The following GNS variants were observed in gnomAD, a reference collection of about 807,000 sequenced individuals.
GNS encodes glucosamine (N-acetyl)-6-sulfatase.
GNS carries 40 observed loss-of-function variants against 69.7 expected under a neutral mutation model. The ratio of observed to expected loss-of-function variants is 0.57; its 90% CI spans 0.45 to 0.75. The LOEUF (loss-of-function observed/expected upper bound fraction) is 0.75. Ranked by LOEUF, GNS falls within the 30% of genes least tolerant of loss-of-function variation. The probability of loss-of-function intolerance (pLI) is 0.00; values close to 1 mark genes in which losing one functional copy is unlikely to be tolerated. For missense variants in GNS, 565 were observed against 685.5 expected (o/e 0.82, Z 1.96); for synonymous variants, 243 against 251.6 (o/e 0.97, Z 0.32).
intron 8 of GNS, among the ~76,000 whole-genome samples, chr12:64,738,410 A>G (rs1003443097): frequency 4.6e-5 from 7 of 152,224 alleles, no homozygotes; most frequent in African/African-American, 1.7e-4. Flanking sequence ...TCTAGTAACA[A>G]AAGAAAAACA....
In GNS at chr12:64,759,307, G is replaced by A; in HGVS notation, c.-31C>T. The A allele has an allele frequency of 2.1e-6, 3 of 1,416,194 alleles. No individual in the cohort carries two copies. Among genetic ancestry groups the A allele is most frequent in the Non-Finnish European group, 2.8e-6 (3 of 1,067,234 alleles). The allele number at this position is 1,416,194 out of a possible 1,614,324, so 87.7% of individuals were successfully genotyped here. ...ACAGGCTCCGGGGTGACCCCGGGAC[G>A]GGACGGGACGGAGGGACGCACAGGT... is the stretch of plus-strand genomic sequence containing the variant. On this transcript the variant is annotated 5_prime_UTR_variant, in exon 1 of 14. Coordinates refer to ENST00000258145, the MANE Select transcript of GNS (RefSeq NM_002076.4).
At chr12:64,739,600 C>T in intron 7 of GNS, 101 bp from the exon 8 acceptor site, 1 of 661,748 alleles carries the variant, frequency 1.5e-6, no homozygotes, top group Non-Finnish European at 2.7e-6. Context: ...AACAAAGACA[C>T]CCCCGTTTAA....
At chr12:64,719,710 AAAG>A (rs1868965323) in intron 13 of GNS, among the ~76,000 whole-genome samples, 1 of 152,168 alleles carries the variant, frequency 6.6e-6, no homozygotes, top group Non-Finnish European at 1.5e-5. Flanking sequence ...CAGCTTACTT[AAAG>A]AAGCCCCAAG....
intron 1 of GNS, among the ~76,000 whole-genome samples, chr12:64,754,253 G>A (rs902328984): frequency 6.6e-6 from 1 of 152,194 alleles, no homozygotes; most frequent in Non-Finnish European, 1.5e-5. Context: ...AGTCATTTCA[G>A]GTGGTGGTAA....
In GNS at chr12:64,721,577, G is replaced by A. The variant is rs1463668022; in HGVS notation, c.1419+18C>T. The A allele has an allele frequency of 8.6e-7, 1 of 1,156,306 alleles. No homozygotes were observed. The highest frequency in any genetic ancestry group is 1.2e-5 in the South Asian group (1 of 81,978). The allele number at this position is 1,156,306 out of a possible 1,614,324, so 71.6% of individuals were successfully genotyped here. A position where few individuals can be genotyped will look rare whatever the true frequency, so the allele number is the denominator to read the frequency against. On this transcript the variant is annotated intron_variant, in intron 12 of 13. Transcript: ENST00000258145. ...GCAAGAAAGGAGCGGGGGAAGTGCA[G>A]GCAGAAGTCCCTCTTACCTCCTGGT...
At chr12:64,734,060 C>A (rs1869486707) in intron 9 of GNS, among the ~76,000 whole-genome samples, 1 of 152,228 alleles carries the variant, frequency 6.6e-6, no homozygotes, top group Non-Finnish European at 1.5e-5. Context: ...ACAGCTGGCA[C>A]TGAGACAACT....
At chr12:64,758,308 C>A (rs867291788) in intron 1 of GNS, among the ~76,000 whole-genome samples, 8 of 115,700 alleles carry the variant, frequency 6.9e-5, no homozygotes, top group Admixed American at 9.8e-5. Context: ...TCACTTCAGG[C>A]CTTTTTTTTT....
At chr12:64,726,611 C>T (rs1869208718) in intron 10 of GNS, among the ~76,000 whole-genome samples, 1 of 152,206 alleles carries the variant, frequency 6.6e-6, no homozygotes, top group African/African-American at 2.4e-5. Context: ...CCTGCTACCT[C>T]AGCCTTCCAA....
chr12:64,755,574 A>G (rs1159552187), intron 1 of GNS, among the ~76,000 whole-genome samples: 3 of 143,470 alleles, frequency 2.1e-5, no homozygotes, highest in Non-Finnish European at 4.6e-5. Flanking sequence ...CAAGACTCCA[A>G]CTCAAAAAAA....
intron 7 of GNS, among the ~76,000 whole-genome samples, chr12:64,739,739 A>G (rs1465991796): frequency 6.6e-6 from 1 of 152,212 alleles, no homozygotes; most frequent in Admixed American, 6.5e-5. Context: ...AAATTCCAGA[A>G]CATAATTAAT....
chr12:64,740,240 G>A (rs1414717644), intron 7 of GNS, among the ~76,000 whole-genome samples: 7 of 152,216 alleles, frequency 4.6e-5, no homozygotes, highest in Admixed American at 3.9e-4. Context: ...AAATGGCAAA[G>A]GCAGATATTT....
At chr12:64,752,609 T>A (rs964159602) in intron 2 of GNS, 89 bp downstream of exon 2, 1 of 757,778 alleles carries the variant, frequency 1.3e-6, no homozygotes, top group Non-Finnish European at 2.4e-6. Context: ...AAAAACCACA[T>A]AGATCATACC....
At chr12:64,742,164 G>GCGCC in intron 6 of GNS, among the ~76,000 whole-genome samples, 1 of 152,094 alleles carries the variant, frequency 6.6e-6, no homozygotes, top group Non-Finnish European at 1.5e-5. Context: ...GGGAGTACAG[G>GCGCC]TGTCCACCAC....
intron 13 of GNS, 80 bp from the exon 14 acceptor site, chr12:64,716,899 G>A: frequency 1.1e-6 from 1 of 911,274 alleles, no homozygotes; most frequent in Non-Finnish European, 1.8e-6. Flanking sequence ...AGGATAGCAG[G>A]AAGGGGTGTA....
chr12:64,725,589 C>T (rs577213929), intron 10 of GNS, among the ~76,000 whole-genome samples: 4 of 152,266 alleles, frequency 2.6e-5, no homozygotes, highest in Non-Finnish European at 5.9e-5. Context: ...AAAAACAAAA[C>T]ATGAACAAGG....
intron 2 of GNS, among the ~76,000 whole-genome samples, chr12:64,752,174 C>G (rs917038674): frequency 3.3e-5 from 5 of 152,036 alleles, no homozygotes; most frequent in African/African-American, 1.2e-4. Flanking sequence ...CAGTCTGGCT[C>G]CAGAGTCTGA....
chr12:64,757,965 G>A (rs970678479), intron 1 of GNS, among the ~76,000 whole-genome samples: 6 of 152,202 alleles, frequency 3.9e-5, no homozygotes, highest in Non-Finnish European at 8.8e-5. Flanking sequence ...AAAGCATTTG[G>A]TTTTAAAGCG....
chr12:64,747,379 G>A (rs1869927182), intron 3 of GNS, among the ~76,000 whole-genome samples: 2 of 152,172 alleles, frequency 1.3e-5, no homozygotes, highest in Admixed American at 1.3e-4. Context: ...ACAGCCACAT[G>A]ACAAACAGAA....
At chr12:64,758,873 C>T (rs1037326976) in intron 1 of GNS, among the ~76,000 whole-genome samples, 1 of 152,220 alleles carries the variant, frequency 6.6e-6, no homozygotes, top group Non-Finnish European at 1.5e-5. Flanking sequence ...ACTAGAAGCT[C>T]TGTGTGCTGT....
Sources: gnomAD v4.1 joint callset for allele counts (sites outside exome capture counted in the v4.1 genomes callset) on GRCh38, gnomAD v4.1.1 for gene constraint, MANE v1.5 for transcripts, NCBI Gene and HGNC (gene_info 2026-07-23, HGNC 2026-07-21) for gene names.